Variants in ANXA8 observed in about 807,000 individuals in gnomAD.
The protein encoded by ANXA8 is annexin A8.
ANXA8 carries 9 observed loss-of-function variants against 26.8 expected under a neutral mutation model. The ratio of observed to expected loss-of-function variants is 0.34; its 90% CI spans 0.20 to 0.59. The LOEUF is 0.59. Among genes scored for constraint, ANXA8 ranks in the 20% least tolerant of loss-of-function variants. ANXA8 has a pLI of 0.84. For missense variants in ANXA8, 83 were observed against 238.5 expected, an observed-to-expected ratio of 0.35 and a Z score of 4.29; for synonymous variants, 39 against 94.8, an observed-to-expected ratio of 0.41 and a Z score of 3.42.
chr10:47,484,161 A>G, upstream of ANXA8: 1 of 985,596 alleles, frequency 1.0e-6, no homozygotes, highest in Non-Finnish European at 1.6e-6. Flanking sequence ...CCACCCAGAC[A>G]CTGCCCAGGC....
At chr10:47,555,888 C>G in the ANXA8 span, among the ~76,000 whole-genome samples, 1 of 151,988 alleles carries the variant, frequency 6.6e-6, no homozygotes, top group Non-Finnish European at 1.5e-5. Flanking sequence ...ATGAACCTAG[C>G]AGGACACAGA....
the ANXA8 span, among the ~76,000 whole-genome samples, chr10:47,743,344 A>G: frequency 8.3e-5 from 1 of 12,108 alleles, no homozygotes. Flanking sequence ...ATATATACAT[A>G]TATATATATA....
the ANXA8 span, among the ~76,000 whole-genome samples, chr10:47,521,939 C>T: frequency 1.4e-5 from 2 of 147,654 alleles, no homozygotes; most frequent in Admixed American, 1.4e-4. Context: ...CGCCACTACG[C>T]CCAGCTAATT....
chr10:47,535,359 A>C, the ANXA8 span, among the ~76,000 whole-genome samples: 1 of 129,784 alleles, frequency 7.7e-6, no homozygotes, highest in South Asian at 2.3e-4. Flanking sequence ...GGAATTATAG[A>C]TCTTTCTCTT....
chr10:47,587,659 T>C, the ANXA8 span, among the ~76,000 whole-genome samples: 739 of 146,942 alleles, frequency 5.0e-3, 88 homozygotes, highest in African/African-American at 0.019. Flanking sequence ...TAAATAATAA[T>C]ATCTTTCTTA....
the ANXA8 span, among the ~76,000 whole-genome samples, chr10:47,765,997 C>A: frequency 6.6e-6 from 1 of 150,816 alleles, no homozygotes; most frequent in Non-Finnish European, 1.5e-5. Flanking sequence ...TTCTGTGAAA[C>A]CCTTCATCAT....
chr10:47,593,222 C>T, the ANXA8 span, among the ~76,000 whole-genome samples: 3 of 148,348 alleles, frequency 2.0e-5, no homozygotes, highest in African/African-American at 5.2e-5. Flanking sequence ...GTTGTGTGTC[C>T]CTAGAGATGT....
chr10:47,654,421 G>T, the ANXA8 span, among the ~76,000 whole-genome samples: 1 of 145,162 alleles, frequency 6.9e-6, no homozygotes, highest in Non-Finnish European at 1.5e-5. Context: ...AAAGAAAGGA[G>T]TCATGGGGGA....
At chr10:47,671,281 G>C in the ANXA8 span, among the ~76,000 whole-genome samples, 1 of 151,622 alleles carries the variant, frequency 6.6e-6, no homozygotes, top group Non-Finnish European at 1.5e-5. Context: ...AATTAACCGG[G>C]CTTGGTGGTG....
the ANXA8 span, among the ~76,000 whole-genome samples, chr10:47,561,763 G>T: frequency 6.6e-6 from 1 of 151,602 alleles, no homozygotes; most frequent in Non-Finnish European, 1.5e-5. Flanking sequence ...GTCTGCCCTC[G>T]TGGTGCTAAC....
the ANXA8 span, among the ~76,000 whole-genome samples, chr10:47,660,459 G>T: frequency 4.0e-5 from 6 of 151,590 alleles, no homozygotes; most frequent in African/African-American, 1.5e-4. Context: ...GGAGTGCAGT[G>T]GTGTGATCTC....
chr10:47,570,788 A>G, the ANXA8 span, among the ~76,000 whole-genome samples: 12 of 150,070 alleles, frequency 8.0e-5, no homozygotes, highest in Non-Finnish European at 1.3e-4. Context: ...GAAAGAGAAA[A>G]GAAATAAAGC....
chr10:47,683,341 G>A, the ANXA8 span, among the ~76,000 whole-genome samples: 2 of 147,830 alleles, frequency 1.4e-5, no homozygotes, highest in South Asian at 2.1e-4. Context: ...CCATGCTCCT[G>A]CCTCAGCCTC....
the ANXA8 span, among the ~76,000 whole-genome samples, chr10:47,551,531 T>C: frequency 9.0e-3 from 1,363 of 152,002 alleles, 19 homozygotes; most frequent in Non-Finnish European, 0.015. Context: ...AATTCTTGTA[T>C]CTTGGGCAAG....
the ANXA8 span, among the ~76,000 whole-genome samples, chr10:47,969,300 A>T: frequency 2.0e-5 from 3 of 151,518 alleles, no homozygotes; most frequent in South Asian, 6.3e-4. Context: ...TGTACTCCCC[A>T]CCTCAGGTAA....
chr10:47,488,454 A>G (rs1588938424), upstream of ANXA8, among the ~76,000 whole-genome samples: 1 of 148,108 alleles, frequency 6.8e-6, no homozygotes, highest in Non-Finnish European at 1.5e-5. Flanking sequence ...CAGGTGGCCC[A>G]CCCGCCTTGG....
the ANXA8 span, among the ~76,000 whole-genome samples, chr10:47,658,641 A>G: frequency 7.3e-6 from 1 of 136,568 alleles, no homozygotes. Context: ...GAGATTTCTA[A>G]TATTCTATTT....
chr10:47,587,210 A>AT, the ANXA8 span, among the ~76,000 whole-genome samples: 14 of 147,396 alleles, frequency 9.5e-5, no homozygotes, highest in South Asian at 2.1e-4. Context: ...TCTCAAAAAA[A>AT]AAAAAAATAA....
chr10:47,705,738 A>G, the ANXA8 span, among the ~76,000 whole-genome samples: 2 of 152,054 alleles, frequency 1.3e-5, no homozygotes, highest in African/African-American at 2.4e-5. Context: ...AGTATATTCT[A>G]AAGTTTTTTA....
Sources: gnomAD v4.1 joint callset for allele counts (sites outside exome capture counted in the v4.1 genomes callset) on GRCh38, gnomAD v4.1.1 for gene constraint, MANE v1.5 for transcripts, NCBI Gene and HGNC (gene_info 2026-07-23, HGNC 2026-07-21) for gene names.